The following GAREM2 variants were observed in gnomAD, a reference collection of about 807,000 sequenced individuals.
GAREM2 encodes the protein GRB2 associated regulator of MAPK1 subtype 2, also known as GRB2-associated and regulator of MAPK protein 2.
GAREM2 carries 30 observed loss-of-function variants against 55.6 expected under a neutral mutation model. That is an observed-to-expected ratio of 0.54 (90% CI 0.40 to 0.73). GAREM2 has a LOEUF of 0.73. GAREM2 is among the 30% of genes least tolerant of loss of function. The pLI is 0.00. For missense variants in GAREM2, 1,075 were observed against 1,257.7 expected (o/e 0.85, Z 2.20); for synonymous variants, 550 against 569.1 (o/e 0.97, Z 0.48).
chr2:26,197,636 T>G, the GAREM2 span: 14 of 846,128 alleles, frequency 1.7e-5, no homozygotes, highest in African/African-American at 2.1e-4. Context: ...TAAGCCTTTA[T>G]CAGTGAATCT....
chr2:26,195,031 G>A, the GAREM2 span: 2 of 1,314,760 alleles, frequency 1.5e-6, no homozygotes, highest in Non-Finnish European at 2.2e-6. Context: ...AAGCCTGGAG[G>A]TAAAAGGAGT....
intron 2 of GAREM2, chr2:26,182,414 C>G: frequency 6.5e-7 from 1 of 1,549,758 alleles, no homozygotes; most frequent in East Asian, 2.4e-5. Context: ...CCTTCAAGGG[C>G]TGGGCCAGGC....
At chr2:26,191,048 C>A, downstream of GAREM2, 1 of 644,624 alleles carries the variant, frequency 1.6e-6, no homozygotes, top group South Asian at 1.8e-5. Context: ...TACCTTCCAA[C>A]AGGAAGTGCA....
At chr2:26,178,473 C>T (rs1282395180) in intron 2 of GAREM2, among the ~76,000 whole-genome samples, 3 of 152,054 alleles carry the variant, frequency 2.0e-5, no homozygotes, top group African/African-American at 4.8e-5. Context: ...AGTCTGGCTA[C>T]TGGGGATACT....
intron 5 of GAREM2, among the ~76,000 whole-genome samples, chr2:26,186,599 A>G (rs1350001296): frequency 6.6e-6 from 1 of 152,160 alleles, no homozygotes; most frequent in Non-Finnish European, 1.5e-5. Flanking sequence ...TGAGGAACGG[A>G]TGGGAGCATT....
At position 26,185,223 on chromosome 2, in the gene GAREM2, C is replaced by A; in HGVS notation, c.1375C>A (p.Pro459Thr). 6.6e-7 allele frequency: 1 copy of A among 1,521,770 alleles called. No homozygotes were observed. The highest frequency in any genetic ancestry group is 8.8e-7 in the Non-Finnish European group (1 of 1,141,470). The allele number at this position is 1,521,770 out of a possible 1,614,324, so 94.3% of individuals were successfully genotyped here. A position where few individuals can be genotyped will look rare whatever the true frequency, so the allele number is the denominator to read the frequency against. Residue 459 changes from proline (P) to threonine (T), a missense_variant, in exon 4 of 6, where the codon CCG becomes ACG. By Grantham distance (38) the Pro-to-Thr change is conservative. Transcript: ENST00000401533. The stretch of plus-strand genomic sequence containing the variant: ...CATCTCCTTCGGGGCCGCGGGACCG[C>A]CGCGTCGGGAGCCGGAAGCGCCGCC... ...DLISFGAAGP[P>T]RREPEAPPPP...
In GAREM2 at chr2:26,187,391, C is replaced by T; in HGVS notation, c.1759C>T (p.Leu587Phe). ...ACAGCCCAGCCAGGCCTCCCGGGCCCTCACAGAGCCTCTGAGCGGTCGAGC... is the reference window on the plus strand; with the variant it reads ...ACAGCCCAGCCAGGCCTCCCGGGCCTTCACAGAGCCTCTGAGCGGTCGAGC... ...TTQPSQASRA[L>F]TEPLSGRAAS... Residue 587 changes from leucine (L) to phenylalanine (F), a missense_variant, in exon 6 of 6, where the codon CTC (leucine) becomes TTC (phenylalanine). This residue lies in a region of GAREM2 where 515 missense variants were observed against 501.5 expected (regional missense o/e 1.03). Coordinates refer to ENST00000401533, the MANE Select transcript of GAREM2 (RefSeq NM_001168241.2). 6 of 1,547,080 alleles carry T rather than the reference C, an allele frequency of 3.9e-6. No homozygotes were observed. Among genetic ancestry groups the T allele is most frequent in the Non-Finnish European group, 5.2e-6 (6 of 1,144,876 alleles).
At chr2:26,199,082 A>C in the GAREM2 span, among the ~76,000 whole-genome samples, 3 of 151,920 alleles carry the variant, frequency 2.0e-5, no homozygotes, top group Admixed American at 2.0e-4. Flanking sequence ...GTTTTTAGTA[A>C]AGACAGGGTT....
In GAREM2 at chr2:26,188,432, C is replaced by A; in HGVS notation, c.*175C>A. 2.0e-6 allele frequency: 1 copy of A among 487,888 alleles called. No homozygotes were observed. The highest frequency in any genetic ancestry group is 4.3e-5 in the South Asian group (1 of 23,322). The allele number at this position is 487,888 out of a possible 1,614,324, so 30.2% of individuals were successfully genotyped here. A position where few individuals can be genotyped will look rare whatever the true frequency, so the allele number is the denominator to read the frequency against. ...GGAAATGTGGTCCTCTGGGGTCAGA[C>A]CCCTGCACGGGACATCTTGCCTTTG... On this transcript the variant is annotated 3_prime_UTR_variant, in exon 6 of 6. Coordinates refer to ENST00000401533, the MANE Select transcript of GAREM2 (RefSeq NM_001168241.2).
chr2:26,178,611 G>T (rs1560867), intron 2 of GAREM2, among the ~76,000 whole-genome samples: 112,422 of 152,110 alleles, frequency 0.74, 42,106 homozygotes, highest in African/African-American at 0.86. Context: ...AAATTAAAAA[G>T]AAAAGAGAAA....
chr2:26,182,520 C>G, intron 2 of GAREM2: 1 of 1,538,570 alleles, frequency 6.5e-7, no homozygotes, highest in Non-Finnish European at 8.8e-7. Context: ...TCTGTCCCTA[C>G]CCCCTCAGAT....
At chr2:26,201,829 C>G in the GAREM2 span, among the ~76,000 whole-genome samples, 2 of 151,410 alleles carry the variant, frequency 1.3e-5, no homozygotes, top group African/African-American at 4.9e-5. Flanking sequence ...GAGTCTCGCT[C>G]TGTTGCCCAG....
downstream of GAREM2, chr2:26,191,757 G>A: frequency 1.1e-6 from 1 of 912,542 alleles, no homozygotes; most frequent in Non-Finnish European, 1.8e-6. Context: ...CTGGCCCTCA[G>A]AGAAGATGCT....
At chr2:26,181,136 A>G (rs1669038021) in intron 2 of GAREM2, 2 of 985,314 alleles carry the variant, frequency 2.0e-6, no homozygotes, top group Non-Finnish European at 2.4e-6. Flanking sequence ...AACCTGGATC[A>G]TGGTATTTCT....
chr2:26,176,523 G>T (rs1668871596), intron 2 of GAREM2, 39 bp downstream of exon 2: 2 of 1,475,640 alleles, frequency 1.4e-6, no homozygotes, highest in South Asian at 1.4e-5. Context: ...AGCCTGTAGG[G>T]GGGTGTAGGC....
intron 2 of GAREM2, among the ~76,000 whole-genome samples, chr2:26,178,335 G>A (rs1668928773): frequency 6.6e-6 from 1 of 152,142 alleles, no homozygotes; most frequent in Non-Finnish European, 1.5e-5. Context: ...GCTGAGACAG[G>A]AGGCTCCTTT....
chr2:26,193,690 A>C (rs1574602310), downstream of GAREM2: 2 of 1,613,944 alleles, frequency 1.2e-6, no homozygotes, highest in South Asian at 2.2e-5. Flanking sequence ...ATCCACACCA[A>C]CTTCATCCAC....
intron 4 of GAREM2, 67 bp downstream of exon 4, chr2:26,185,343 C>T (rs1370067803): frequency 1.4e-6 from 2 of 1,424,770 alleles, no homozygotes; most frequent in Non-Finnish European, 1.8e-6. Context: ...CTCCTGGGCC[C>T]CGGCCCCGGA....
At chr2:26,192,164 G>A (rs1482316668), downstream of GAREM2, 7 of 624,928 alleles carry the variant, frequency 1.1e-5, no homozygotes, top group Non-Finnish European at 1.7e-5. Context: ...ACAGCACCAT[G>A]GCACGTGTAT....
Sources: allele counts gnomAD v4.1 joint callset (sites outside exome capture counted in the v4.1 genomes callset), GRCh38; gene constraint gnomAD v4.1.1; regional missense constraint gnomAD v4.1.1; transcripts MANE v1.5; gene names NCBI Gene and HGNC (gene_info 2026-07-23, HGNC 2026-07-21).